The following RYR1 variants were observed in gnomAD, a reference collection of about 807,000 sequenced individuals.
The protein encoded by RYR1 is central core disease of muscle.
RYR1 carries 342 observed loss-of-function variants against 583.5 expected under a neutral mutation model. The ratio of observed to expected loss-of-function variants is 0.59; its 90% CI spans 0.54 to 0.64. The LOEUF is 0.64. Ranked by LOEUF, RYR1 falls within the 30% of genes least tolerant of loss-of-function variation. The pLI, the probability that RYR1 is intolerant of heterozygous loss-of-function variation, is 0.00. For missense variants in RYR1, 6,032 were observed against 6,917.2 expected, an observed-to-expected ratio of 0.87 and a Z score of 4.54; for synonymous variants, 2,791 against 2,822.5, an observed-to-expected ratio of 0.99 and a Z score of 0.35.
chr19:38,444,507 G>A lies in RYR1; in HGVS notation c.538-77G>A. On this transcript the variant is annotated intron_variant, in intron 6 of 105. Coordinates refer to ENST00000359596, the MANE Select transcript of RYR1 (RefSeq NM_000540.3). The surrounding 1 kb of genome is among the most constrained non-coding windows in gnomAD (Gnocchi z 5.1). ...TGCCGGTTTCCGGGTATCCACCCTT[G>A]ATTTCTGGCCTCTGACGCTGGGACT... 1 of 1,293,502 alleles carries A rather than the reference G, an allele frequency of 7.7e-7. No individual in the cohort carries two copies. Among genetic ancestry groups the A allele is most frequent in the Non-Finnish European group, 1.1e-6 (1 of 906,500 alleles). 80.1% of individuals were successfully genotyped at this position (1,293,502 alleles called of 1,614,324 possible).
At chr19:38,586,673 A>C in intron 105 of RYR1, 97 bp downstream of exon 105, 68 of 1,210,822 alleles carry the variant, frequency 5.6e-5, no homozygotes, top group Non-Finnish European at 7.5e-5. Flanking sequence ...TATCAATATC[A>C]AGGGTTAGGG....
intron 97 of RYR1, among the ~76,000 whole-genome samples, chr19:38,576,497 GCA>G (rs1973961463): frequency 6.6e-6 from 1 of 151,680 alleles, no homozygotes; most frequent in African/African-American, 2.4e-5. Flanking sequence ...ATAGTGCCTG[GCA>G]CAGAGTGAAT....
At chr19:38,468,035 A>C in intron 25 of RYR1, 2 of 569,212 alleles carry the variant, frequency 3.5e-6, no homozygotes, top group South Asian at 2.0e-5. Flanking sequence ...TCATCCATCC[A>C]TCCATCCATC....
intron 87 of RYR1, 69 bp from the exon 88 acceptor site, chr19:38,546,376 A>AG: frequency 1.5e-6 from 2 of 1,360,394 alleles, no homozygotes; most frequent in Non-Finnish European, 2.1e-6. Flanking sequence ...GTAGGTGAGG[A>AG]GGGGGAGAAG....
intron 70 of RYR1, 142 bp from the exon 71 acceptor site, chr19:38,525,190 G>A (rs1971411540): frequency 4.5e-6 from 4 of 896,896 alleles, no homozygotes; most frequent in African/African-American, 3.3e-5. Context: ...CAAGTCTGGG[G>A]TGGAAATTGA....
At chr19:38,453,410 GGCGGGGTCTGCTGGC>G (rs1967196466) in intron 13 of RYR1, among the ~76,000 whole-genome samples, 1 of 151,822 alleles carries the variant, frequency 6.6e-6, no homozygotes, top group Non-Finnish European at 1.5e-5. Flanking sequence ...CGACTCAGCG[GGCGGGGTCTGCTGGC>G]GCGGGGTCTG....
Position 38,492,566 on chromosome 19 carries a change from G to T in RYR1, c.6204G>T (p.Glu2068Asp), listed in dbSNP as rs2145570603. Residue 2068 changes from glutamate (E) to aspartate (D), a missense_variant, in exon 38 of 106, where the codon GAG becomes GAT. Physicochemically the swap from Glu to Asp is conservative, Grantham distance 45 (BLOSUM62 2). Coordinates refer to ENST00000359596, the MANE Select transcript of RYR1 (RefSeq NM_000540.3). ...TLGSRLMSLL[E>D]KVRLVKKKEE... ...GCAGCCGCCTCATGAGCCTGTTGGA[G>T]AAAGTGCGGCTGGTGAAGAAGAAGG... 1 of 1,612,156 alleles carries T rather than the reference G, an allele frequency of 6.2e-7. No individual in the cohort carries two copies. The highest frequency in any genetic ancestry group is 8.5e-7 in the Non-Finnish European group (1 of 1,178,838).
At chr19:38,552,858 C>A (rs1291583441) in intron 89 of RYR1, among the ~76,000 whole-genome samples, 1 of 152,130 alleles carries the variant, frequency 6.6e-6, no homozygotes, top group Non-Finnish European at 1.5e-5. Context: ...CTAAAGTACA[C>A]ATGATTCACA....
At chr19:38,514,802 C>T (rs1266890461) in intron 63 of RYR1, among the ~76,000 whole-genome samples, 1 of 152,080 alleles carries the variant, frequency 6.6e-6, no homozygotes, top group Non-Finnish European at 1.5e-5. Context: ...CTCACGACCA[C>T]CCCGTGAGGA....
rs148571295 is a variant in RYR1 at position 38,577,276 on chromosome 19, T to C, written c.14173-642T>C. Among the ~76,000 whole-genome samples the C allele has an allele frequency of 2.8e-3, 433 of 152,288 alleles. 1 individual carries two copies. The highest frequency in any genetic ancestry group is 9.7e-3 in the African/African-American group (402 of 41,570). On this transcript the variant is annotated intron_variant, in intron 97 of 105. Coordinates refer to ENST00000359596, the MANE Select transcript of RYR1 (RefSeq NM_000540.3). ...AATACGGCCAACCCTACAGGGTTGT[T>C]GTATTATGTACTACATGAGCAGTAT...
intron 30 of RYR1, among the ~76,000 whole-genome samples, chr19:38,478,119 C>T (rs897157688): frequency 6.6e-5 from 10 of 151,892 alleles, no homozygotes; most frequent in African/African-American, 2.4e-4. Context: ...CCATTTTCTC[C>T]TTTTCCTTCT....
chr19:38,446,499 G>A lies in RYR1; in HGVS notation c.659G>A (p.Arg220His), dbSNP rs773796075. The A allele has an allele frequency of 5.6e-6, 9 of 1,613,968 alleles. No individual in the cohort carries two copies. In the African/African-American group the frequency reaches 9.3e-5, roughly 17 times the overall value. ...TTCGTGACGGGAGGTCACGTCCTCC[G>A]CCTCTTTCATGGACATATGGATGAG... ...EGFVTGGHVL[R>H]LFHGHMDECL... Residue 220 changes from arginine to histidine, a missense_variant, in exon 8 of 106, where the codon CGC becomes CAC. Physicochemically the swap from Arg to His is conservative, Grantham distance 29 (BLOSUM62 0). This residue lies in a region of RYR1 where 338 missense variants were observed against 441.6 expected (regional missense o/e 0.77). Transcript: ENST00000359596.
In RYR1 at chr19:38,447,859, C is replaced by A. The variant is rs1461056796; in HGVS notation, c.801-496C>A. Among the ~76,000 whole-genome samples the A allele has an allele frequency of 3.3e-5, 4 of 120,190 alleles. No homozygotes were observed. In the East Asian group the frequency reaches 9.8e-4, roughly 29 times the overall value. The allele number at this position is 120,190 out of a possible 152,430, so 78.8% of individuals were successfully genotyped here. The stretch of plus-strand genomic sequence containing the variant: ...CCTGCCTTAAAAAAAAAAAAAAAAA[C>A]AAGCAAAACAAAAATAAAAAATGAA... On this transcript the variant is annotated intron_variant, in intron 9 of 105. Coordinates refer to ENST00000359596, the MANE Select transcript of RYR1 (RefSeq NM_000540.3).
At chr19:38,529,954 G>A (rs1219222601) in intron 76 of RYR1, among the ~76,000 whole-genome samples, 4 of 151,880 alleles carry the variant, frequency 2.6e-5, no homozygotes, top group Non-Finnish European at 5.9e-5. Context: ...GAAGGCACAG[G>A]GATTTATTTT....
At chr19:38,448,572 C>T in intron 10 of RYR1, 61 bp downstream of exon 10, 4 of 1,614,122 alleles carry the variant, frequency 2.5e-6, no homozygotes, top group Non-Finnish European at 3.4e-6. Flanking sequence ...CCAGCCTGCA[C>T]TCTGCAGTCC....
At chr19:38,562,854 C>T (rs1204554721) in intron 90 of RYR1, among the ~76,000 whole-genome samples, 2 of 152,226 alleles carry the variant, frequency 1.3e-5, no homozygotes, top group Non-Finnish European at 2.9e-5. Context: ...CTCCTGATCC[C>T]TCCCTGGCCC....
At chr19:38,471,730 G>T (rs1164954911) in intron 27 of RYR1, among the ~76,000 whole-genome samples, 1 of 151,842 alleles carries the variant, frequency 6.6e-6, no homozygotes, top group South Asian at 2.1e-4. Flanking sequence ...GTGAAACCCC[G>T]TCTCTTCTAA....
In RYR1 at chr19:38,567,801, C is replaced by T; in HGVS notation, c.13543C>T (p.Pro4515Ser). 6.2e-7 allele frequency: 1 copy of T among 1,614,164 alleles called. No individual in the cohort carries two copies. The highest frequency in any genetic ancestry group is 8.5e-7 in the Non-Finnish European group (1 of 1,180,026). The change falls in exon 93 of 106, where the codon CCC (proline) becomes TCC (serine). Residue 4515 changes from proline to serine, a missense_variant. Transcript: ENST00000359596. ...DAENGEKEEV[P>S]EPTPEPPKKQ... ...CGAGAATGGGGAGAAGGAAGAAGTT[C>T]CCGAGCCCACACCAGAGCCCCCCAA...
intron 28 of RYR1, among the ~76,000 whole-genome samples, chr19:38,474,061 T>C (rs775214299): frequency 3.3e-5 from 5 of 152,190 alleles, no homozygotes; most frequent in Non-Finnish European, 7.4e-5. Flanking sequence ...ATGGACCTTA[T>C]CATCCGTGGA....
Sources: gnomAD v4.1 joint callset for allele counts (sites outside exome capture counted in the v4.1 genomes callset) on GRCh38, gnomAD v4.1.1 for gene constraint, gnomAD v4.1.1 regional missense constraint, Gnocchi (gnomAD v3.1) non-coding constraint, MANE v1.5 for transcripts, NCBI Gene and HGNC (gene_info 2026-07-23, HGNC 2026-07-21) for gene names.